The following TINF2 variants were observed in gnomAD, a reference collection of about 807,000 sequenced individuals.
TINF2 encodes TERF1-interacting nuclear factor 2.
Under a neutral mutation model 50.4 loss-of-function variants are expected in TINF2, and 27 were observed. That is an observed-to-expected ratio of 0.54 (90% CI 0.40 to 0.74). The LOEUF (loss-of-function observed/expected upper bound fraction) is 0.74. Among genes scored for constraint, TINF2 ranks in the 30% least tolerant of loss-of-function variants. The probability of loss-of-function intolerance (pLI) is 0.00; values close to 1 mark genes in which losing one functional copy is unlikely to be tolerated. For missense variants in TINF2, 496 were observed against 551.5 expected, an observed-to-expected ratio of 0.90 and a Z score of 1.01; for synonymous variants, 223 against 214.6, an observed-to-expected ratio of 1.04 and a Z score of -0.34.
chr14:24,242,117 T>G (rs1167507964), intron 1 of TINF2, 24 bp downstream of exon 1: 1 of 1,614,226 alleles, frequency 6.2e-7, no homozygotes, highest in Non-Finnish European at 8.5e-7. Context: ...TCTTTCCCCT[T>G]CCAGGTCCTA....
Position 24,239,660 on chromosome 14 carries a change from T to C in TINF2, c.*137A>G. The C allele has an allele frequency of 6.4e-7, 1 of 1,567,022 alleles. No homozygotes were observed. ...AGGCAGTATTTTAACAAATCCAAAGTTTAATTATTAAGGATTACAAATATT... is the reference window on the plus strand; with the variant it reads ...AGGCAGTATTTTAACAAATCCAAAGCTTAATTATTAAGGATTACAAATATT... On this transcript the variant is annotated 3_prime_UTR_variant, in exon 9 of 9. Transcript: ENST00000267415.
rs895605628 is a variant in TINF2 at position 24,242,475 on chromosome 14, C to T, written c.-143G>A. ...GCTCTGGGTACCTCGCGATCTGACT[C>T]GGCTCCCTTCCATCGGCCCCCAGAA... On this transcript the variant is annotated 5_prime_UTR_variant, in exon 1 of 9. Coordinates refer to ENST00000267415, the MANE Select transcript of TINF2 (RefSeq NM_001099274.3). The T allele has an allele frequency of 7.0e-7, 1 of 1,436,976 alleles. No homozygotes were observed. The highest frequency in any genetic ancestry group is 1.4e-5 in the African/African-American group (1 of 69,592). The allele number at this position is 1,436,976 out of a possible 1,614,324, so 89.0% of individuals were successfully genotyped here.
chr14:24,240,403 A>G lies in TINF2; in HGVS notation c.1061+16T>C. The G allele has an allele frequency of 3.1e-6, 5 of 1,613,934 alleles. No individual in the cohort carries two copies. Among genetic ancestry groups the G allele is most frequent in the African/African-American group, 1.3e-5 (1 of 74,966 alleles). On this transcript the variant is annotated intron_variant, in intron 6 of 8. Transcript: ENST00000267415. ...AAGAATGTGCTCCTAGTAAGAAGCA[A>G]CTCTGTTCCACTCACTCCTTTTGCT...
intron 7 of TINF2, 37 bp from the exon 8 acceptor site, chr14:24,240,192 A>C: frequency 6.2e-7 from 1 of 1,614,088 alleles, no homozygotes. Flanking sequence ...TACTACTTCT[A>C]GATGAACACA....
rs1002974518 is a variant in TINF2, at chr14:24,240,520, T to G, written c.960A>C (p.Thr320=). 6 of 1,614,104 alleles carry G rather than the reference T, an allele frequency of 3.7e-6. No homozygotes were observed. The Admixed American group carries it at 6.7e-5, about 18-fold the overall frequency. ...AIYTADLAMG[T]RAASTGKSKS... is the part of the protein sequence containing the mutation. Reference sequence around the variant, plus strand: ...TAGACTTCCCAGTGGAGGCTGCTCTTGTGCCCATGGCTAGGTCTGCTGTGT... The same window carrying G: ...TAGACTTCCCAGTGGAGGCTGCTCTGGTGCCCATGGCTAGGTCTGCTGTGT... Residue 320 remains threonine, a synonymous_variant, in exon 6 of 9, where the codon ACA becomes ACC. Transcript: ENST00000267415.
In TINF2 at chr14:24,240,411, CCACT is replaced by C; in HGVS notation, c.1061+4_1061+7del. On this transcript the variant is annotated splice_donor_5th_base_variant and intron_variant, in intron 6 of 8. Coordinates refer to ENST00000267415, the MANE Select transcript of TINF2 (RefSeq NM_001099274.3). ...GCTCCTAGTAAGAAGCAACTCTGTTCCACTCACTCCTTTTGCTCTGTGGCAGGCA... is the reference window on the plus strand; with the variant it reads ...GCTCCTAGTAAGAAGCAACTCTGTTCCACTCCTTTTGCTCTGTGGCAGGCA... 43 of 1,614,132 alleles carry C rather than the reference CCACT, an allele frequency of 2.7e-5. No homozygotes were observed. In the African/African-American group the frequency reaches 3.9e-4, roughly 15 times the overall value.
intron 4 of TINF2, 21 bp downstream of exon 4, chr14:24,241,183 C>G (rs1048436644): frequency 3.7e-6 from 6 of 1,614,164 alleles, no homozygotes; most frequent in East Asian, 4.5e-5. Flanking sequence ...TCTGCCCTTA[C>G]ATGTTTTGCC....
At chr14:24,241,818 C>T (rs1382170614) in intron 2 of TINF2, 42 bp from the exon 3 acceptor site, 6 of 1,613,088 alleles carry the variant, frequency 3.7e-6, no homozygotes, top group Non-Finnish European at 3.4e-6. Context: ...CACCAACATC[C>T]AGTAGACAGG....
chr14:24,242,034 G>A, intron 1 of TINF2, 40 bp from the exon 2 acceptor site: 1 of 1,614,008 alleles, frequency 6.2e-7, no homozygotes, highest in Non-Finnish European at 8.5e-7. Context: ...TTCGGGGCAA[G>A]CTGACCTTTT....
At chr14:24,242,667 G>A (rs576327369), upstream of TINF2, 9 of 1,165,070 alleles carry the variant, frequency 7.7e-6, no homozygotes, top group South Asian at 1.6e-4. Flanking sequence ...GGAAAAGGGC[G>A]GTAAGAGGGA....
At chr14:24,241,827 G>A (rs1381609109) in intron 2 of TINF2, 51 bp from the exon 3 acceptor site, 1 of 1,612,684 alleles carries the variant, frequency 6.2e-7, no homozygotes, top group Non-Finnish European at 8.5e-7. Context: ...CCAGTAGACA[G>A]GAGGAGCAAC....
At position 24,241,007 on chromosome 14, in the gene TINF2, A is replaced by C; in HGVS notation, c.604+13T>G. On this transcript the variant is annotated intron_variant, in intron 5 of 8. Transcript: ENST00000267415. ...GTCTCAGGCTAAACACTACACCTCC[A>C]AATTCCTAGTACCTGGAAGCAGCCA... is the stretch of plus-strand genomic sequence containing the variant. The C allele has an allele frequency of 6.2e-7, 1 of 1,614,190 alleles. No individual in the cohort carries two copies. Among genetic ancestry groups the C allele is most frequent in the Non-Finnish European group, 8.5e-7 (1 of 1,180,026 alleles).
Position 24,239,702 on chromosome 14 carries a change from G to A in TINF2, c.*95C>T. 6.2e-7 allele frequency: 1 copy of A among 1,612,008 alleles called. No homozygotes were observed. Among genetic ancestry groups the A allele is most frequent in the Non-Finnish European group, 8.5e-7 (1 of 1,179,560 alleles). On this transcript the variant is annotated 3_prime_UTR_variant, in exon 9 of 9. Coordinates refer to ENST00000267415, the MANE Select transcript of TINF2 (RefSeq NM_001099274.3). ...ACAAATATTTTTAGCAGTGTAGTTA[G>A]GCAATCCAAGCCTGGACTTCCACTT...
At position 24,240,487 on chromosome 14, in the gene TINF2, TGG is replaced by T. The variant is rs1248255884; in HGVS notation, c.991_992del (p.Pro331MetfsTer15). 6.8e-6 allele frequency: 11 copies of T among 1,614,238 alleles called. No homozygotes were observed. The highest frequency in any genetic ancestry group is 9.3e-6 in the Non-Finnish European group (11 of 1,180,034). On this transcript the variant is annotated frameshift_variant, in exon 6 of 9. Transcript: ENST00000267415. LOFTEE classifies it high-confidence loss of function. ...RAASTGKSKS[P>X]CQTLGGRALK... ...GAGCCCTTCCCCCCAGGGTCTGGCATGGACTCTTAGACTTCCCAGTGGAGGCT... is the reference window on the plus strand; with the variant it reads ...GAGCCCTTCCCCCCAGGGTCTGGCATACTCTTAGACTTCCCAGTGGAGGCT...
rs911234403 is a variant in TINF2 at position 24,242,541 on chromosome 14, T to C, written c.-209A>G. The stretch of plus-strand genomic sequence containing the variant: ...TCTTCTGGCTCGGGCTGGAGGAGCC[T>C]GAGTGGAGAAGCTGACCGTCTCCAG... On this transcript the variant is annotated 5_prime_UTR_variant, in exon 1 of 9. Coordinates refer to ENST00000267415, the MANE Select transcript of TINF2 (RefSeq NM_001099274.3). 1.5e-5 allele frequency: 21 copies of C among 1,415,938 alleles called. No individual in the cohort carries two copies. The Admixed American group carries it at 5.3e-4, about 36-fold the overall frequency. The allele number at this position is 1,415,938 out of a possible 1,614,324, so 87.7% of individuals were successfully genotyped here. A position where few individuals can be genotyped will look rare whatever the true frequency, so the allele number is the denominator to read the frequency against.
Position 24,241,697 on chromosome 14 carries a change from A to G in TINF2, c.377T>C (p.Val126Ala), listed in dbSNP as rs1452775506. Reference protein sequence around the residue: ...QQVKQLSEAPVDLASKLQELE... With the variant: ...QQVKQLSEAPADLASKLQELE... ...CACCTGCAGCTTCGAGGCCAAATCC[A>G]CAGGAGCCTCTGACAGCTGCTTCAC... Residue 126 changes from valine to alanine, a missense_variant, in exon 3 of 9, where the codon GTG becomes GCG. This residue lies in a region of TINF2 where 314 missense variants were observed against 343.8 expected (regional missense o/e 0.91). Coordinates refer to ENST00000267415, the MANE Select transcript of TINF2 (RefSeq NM_001099274.3). 6.2e-7 allele frequency: 1 copy of G among 1,612,382 alleles called. No homozygotes were observed. Among genetic ancestry groups the G allele is most frequent in the Non-Finnish European group, 8.5e-7 (1 of 1,179,276 alleles).
At chr14:24,240,377 A>G (rs1242623423) in intron 6 of TINF2, 42 bp downstream of exon 6, 1 of 1,613,978 alleles carries the variant, frequency 6.2e-7, no homozygotes, top group Non-Finnish European at 8.5e-7. Context: ...GAAGGCAGGC[A>G]AAGAATGTGC....
At position 24,241,613 on chromosome 14, in the gene TINF2, C is replaced by CAAAAAA. The variant is rs5807249; in HGVS notation, c.399+56_399+61dup. 4.3e-5 allele frequency: 56 copies of CAAAAAA among 1,293,558 alleles called. No homozygotes were observed. In the African/African-American group the frequency reaches 6.8e-4, roughly 16 times the overall value. The allele number at this position is 1,293,558 out of a possible 1,614,324, so 80.1% of individuals were successfully genotyped here. A position where few individuals can be genotyped will look rare whatever the true frequency, so the allele number is the denominator to read the frequency against. On this transcript the variant is annotated intron_variant, in intron 3 of 8. Transcript: ENST00000267415. ...GCCTGGGCGACAGAGCAAGATTCCT[C>CAAAAAA]AAAAAAAAAAAAAAATGGGTTAGAG... is the stretch of plus-strand genomic sequence containing the variant.
Position 24,242,135 on chromosome 14 carries a change from C to T in TINF2, c.192+6G>A, listed in dbSNP as rs765571318. 3.2e-5 allele frequency: 51 copies of T among 1,614,158 alleles called. No homozygotes were observed. The highest frequency in any genetic ancestry group is 7.6e-6 in the Non-Finnish European group (9 of 1,180,062). ...TTCCCCTTCCAGGTCCTACTTGCTC[C>T]AATACCTTGGCCTTTAGGCCCATAC... On this transcript the variant is annotated splice_donor_region_variant and intron_variant, in intron 1 of 8. Coordinates refer to ENST00000267415, the MANE Select transcript of TINF2 (RefSeq NM_001099274.3).
Sources: gnomAD v4.1 joint callset for allele counts on GRCh38, gnomAD v4.1.1 for gene constraint, gnomAD v4.1.1 regional missense constraint, MANE v1.5 for transcripts, NCBI Gene and HGNC (gene_info 2026-07-23, HGNC 2026-07-21) for gene names.